NAP1L4: variants seen among roughly 807,000 people sequenced by gnomAD.
The protein encoded by NAP1L4 is nucleosome assembly protein 1-like 4.
NAP1L4 carries 15 observed loss-of-function variants against 58.2 expected under a neutral mutation model. The observed-to-expected ratio is 0.26, with a 90% confidence interval of 0.17 to 0.40. The LOEUF is 0.40. NAP1L4 is among the 10% of genes least tolerant of loss of function. The pLI is 1.00. For synonymous variants in NAP1L4, 171 were observed against 155.6 expected, an observed-to-expected ratio of 1.10 and a Z score of -0.74; for missense variants, 384 against 451.1, an observed-to-expected ratio of 0.85 and a Z score of 1.35.
chr11:2,991,595 C>T (rs1848971617), intron 1 of NAP1L4, among the ~76,000 whole-genome samples: 1 of 152,186 alleles, frequency 6.6e-6, no homozygotes, highest in African/African-American at 2.4e-5. Context: ...GCCCAGCTCG[C>T]TCCCACCGCA....
At chr11:2,967,602 C>T (rs1847362504) in intron 7 of NAP1L4, among the ~76,000 whole-genome samples, 1 of 140,346 alleles carries the variant, frequency 7.1e-6, no homozygotes, top group South Asian at 2.2e-4. Flanking sequence ...CAGAGCGAGA[C>T]TCCGTTAAAA....
Position 2,983,052 on chromosome 11 carries a change from G to A in NAP1L4, c.-17-3815C>T, listed in dbSNP as rs573612314. 1.5e-4 allele frequency among the ~76,000 whole-genome samples: 23 copies of A among 152,112 alleles called. 1 individual carries two copies. The South Asian group carries it at 3.5e-3, about 23-fold the overall frequency. Reference sequence around the variant, plus strand: ...AACAAAAAACAAAAAACCTGTTGCTGCTATTGGAACAAGTGACAAGCAACA... The same window carrying A: ...AACAAAAAACAAAAAACCTGTTGCTACTATTGGAACAAGTGACAAGCAACA... On this transcript the variant is annotated intron_variant, in intron 1 of 15. Coordinates refer to ENST00000380542, the MANE Select transcript of NAP1L4 (RefSeq NM_005969.4).
chr11:2,986,678 G>A (rs984229574), intron 1 of NAP1L4, among the ~76,000 whole-genome samples: 6 of 147,684 alleles, frequency 4.1e-5, no homozygotes, highest in Non-Finnish European at 7.4e-5. Context: ...CCAGGCTGGC[G>A]TGCAGTGGCG....
chr11:2,964,658 A>C (rs370545591), intron 8 of NAP1L4, 22 bp downstream of exon 8: 1 of 1,603,138 alleles, frequency 6.2e-7, no homozygotes, highest in Non-Finnish European at 8.5e-7. Flanking sequence ...GATGCCAACC[A>C]GAAGGTCAAG....
At position 2,971,586 on chromosome 11, in the gene NAP1L4, C is replaced by A. The variant is rs1262745241; in HGVS notation, c.316-52G>T. On this transcript the variant is annotated intron_variant, in intron 5 of 15. Coordinates refer to ENST00000380542, the MANE Select transcript of NAP1L4 (RefSeq NM_005969.4). This position sits in a 1 kb window ranked among gnomAD's most constrained non-coding sequence, Gnocchi z 4.2. ...ATTATGTTATTAGCTTACTTAGGAA[C>A]TCAAGAGTTAAATTTATAAATAATG... The A allele has an allele frequency of 4.2e-6, 6 of 1,427,222 alleles. No homozygotes were observed. Among genetic ancestry groups the A allele is most frequent in the East Asian group, 2.3e-5 (1 of 43,328 alleles). The allele number at this position is 1,427,222 out of a possible 1,614,324, so 88.4% of individuals were successfully genotyped here.
intron 1 of NAP1L4, 103 bp from the exon 2 acceptor site, chr11:2,979,340 G>A: frequency 1.1e-6 from 1 of 892,676 alleles, no homozygotes; most frequent in South Asian, 1.6e-5. Flanking sequence ...TCCACTAGAA[G>A]GGACAGGAGG....
chr11:2,974,961 G>C (rs191730993), intron 4 of NAP1L4, among the ~76,000 whole-genome samples: 5 of 152,070 alleles, frequency 3.3e-5, no homozygotes, highest in Non-Finnish European at 4.4e-5. Flanking sequence ...CCGGGAGGCG[G>C]AAGTTGCACT....
intron 8 of NAP1L4, among the ~76,000 whole-genome samples, chr11:2,964,086 A>T (rs1847112810): frequency 6.6e-6 from 1 of 152,240 alleles, no homozygotes; most frequent in Admixed American, 6.5e-5. Context: ...TTTCAGGACA[A>T]ATCAAAGAGC....
At chr11:2,945,680 A>G (rs761784191) in intron 15 of NAP1L4, 34 bp from the exon 16 acceptor site, 1 of 1,524,112 alleles carries the variant, frequency 6.6e-7, no homozygotes. Context: ...TGTAGAGAGC[A>G]AAGCCAGCTC....
At chr11:2,976,451 T>C (rs1403779416) in intron 3 of NAP1L4, among the ~76,000 whole-genome samples, 2 of 152,152 alleles carry the variant, frequency 1.3e-5, no homozygotes, top group Non-Finnish European at 2.9e-5. Flanking sequence ...TCACATGGTC[T>C]ACCCCCAAGT....
Position 2,955,739 on chromosome 11 carries a change from C to A in NAP1L4, c.915+5G>T, listed in dbSNP as rs2133918593. On this transcript the variant is annotated splice_donor_5th_base_variant and intron_variant, in intron 11 of 15. Coordinates refer to ENST00000380542, the MANE Select transcript of NAP1L4 (RefSeq NM_005969.4). This position sits in a 1 kb window ranked among gnomAD's most constrained non-coding sequence, Gnocchi z 4.2. ...GAAAATAAGACTATTAACAACAAAT[C>A]TTACCAGTGATTCTCCATCCCCGGA... 1 of 1,612,150 alleles carries A rather than the reference C, an allele frequency of 6.2e-7. No individual in the cohort carries two copies. The highest frequency in any genetic ancestry group is 1.1e-5 in the South Asian group (1 of 91,032).
chr11:2,961,292 C>T (rs1846889200), intron 8 of NAP1L4, among the ~76,000 whole-genome samples: 1 of 152,044 alleles, frequency 6.6e-6, no homozygotes, highest in South Asian at 2.1e-4. Flanking sequence ...ACAGTCTAGT[C>T]GGTTTCTAGA....
At chr11:2,970,814 A>G (rs896138805) in intron 6 of NAP1L4, among the ~76,000 whole-genome samples, 4 of 151,180 alleles carry the variant, frequency 2.6e-5, no homozygotes, top group African/African-American at 9.8e-5. Flanking sequence ...TAAAGCATCA[A>G]AAACACATAT....
At chr11:2,972,886 A>T (rs1006894104) in intron 4 of NAP1L4, among the ~76,000 whole-genome samples, 1 of 152,166 alleles carries the variant, frequency 6.6e-6, no homozygotes, top group Non-Finnish European at 1.5e-5. Context: ...TGGGAGGATC[A>T]CTTGAGTCTG....
intron 4 of NAP1L4, 122 bp downstream of exon 4, chr11:2,975,900 CAT>C (rs1014402776): frequency 5.9e-6 from 5 of 842,446 alleles, no homozygotes; most frequent in Non-Finnish European, 9.1e-6. Context: ...GCCTGTCTCT[CAT>C]AGACAATGTC....
At chr11:2,974,164 G>A (rs1243038363) in intron 4 of NAP1L4, among the ~76,000 whole-genome samples, 1 of 152,004 alleles carries the variant, frequency 6.6e-6, no homozygotes, top group Admixed American at 6.5e-5. Flanking sequence ...AAGTTTTAGG[G>A]TACAAATGCA....
chr11:2,950,297 CA>C (rs58457643), intron 14 of NAP1L4, among the ~76,000 whole-genome samples: 8,855 of 152,236 alleles, frequency 0.058, 875 homozygotes, highest in African/African-American at 0.2. Flanking sequence ...GACACATTCT[CA>C]AAAAAGTTTT....
rs1444773363 is a variant in NAP1L4, at chr11:2,959,832, T to G, written c.684A>C (p.Lys228Asn). 1 of 1,614,220 alleles carries G rather than the reference T, an allele frequency of 6.2e-7. No homozygotes were observed. The highest frequency in any genetic ancestry group is 2.2e-5 in the East Asian group (1 of 44,882). The change falls in exon 9 of 16, where the codon AAA (lysine) becomes AAC (asparagine). Residue 228 changes from lysine to asparagine, a missense_variant. Lys to Asn is a moderately conservative substitution (Grantham distance 94, BLOSUM62 0). Coordinates refer to ENST00000380542, the MANE Select transcript of NAP1L4 (RefSeq NM_005969.4). The surrounding 1 kb of genome is among the most constrained non-coding windows in gnomAD (Gnocchi z 4.9). Reference protein sequence around the residue: ...NSVLTKTYKMKSEPDKADPFS... With the variant: ...NSVLTKTYKMNSEPDKADPFS... ...AGGGATCAGCCTTATCTGGTTCTGATTTCATCTTGTAGGTTTTTGTCAGGA... is the reference window on the plus strand; with the variant it reads ...AGGGATCAGCCTTATCTGGTTCTGAGTTCATCTTGTAGGTTTTTGTCAGGA...
intron 1 of NAP1L4, chr11:2,991,308 G>C (rs373294901): frequency 1.5e-5 from 5 of 329,598 alleles, no homozygotes; most frequent in South Asian, 6.8e-5. Context: ...TGGGGTGAAC[G>C]GAAAGCATTC....
Sources: gnomAD v4.1 joint callset for allele counts (sites outside exome capture counted in the v4.1 genomes callset) on GRCh38, gnomAD v4.1.1 for gene constraint, Gnocchi (gnomAD v3.1) non-coding constraint, MANE v1.5 for transcripts, NCBI Gene and HGNC (gene_info 2026-07-23, HGNC 2026-07-21) for gene names.